Variants in SHROOM3 observed in about 807,000 individuals in gnomAD.
SHROOM3 encodes protein Shroom3.
SHROOM3 carries 47 observed loss-of-function variants against 138.6 expected under a neutral mutation model. The ratio of observed to expected loss-of-function variants is 0.34; its 90% confidence interval spans 0.27 to 0.43. The LOEUF is 0.43. Ranked by LOEUF, SHROOM3 falls within the 20% of genes least tolerant of loss-of-function variation. The pLI is 1.00. For missense variants in SHROOM3, 2,491 were observed against 2,596.5 expected, an observed-to-expected ratio of 0.96 and a Z score of 0.88; for synonymous variants, 1,062 against 1,063.3, an observed-to-expected ratio of 1.00 and a Z score of 0.02.
intron 2 of SHROOM3, among the ~76,000 whole-genome samples, chr4:76,582,873 T>G (rs1734078401): frequency 6.6e-6 from 1 of 152,144 alleles, no homozygotes; most frequent in Admixed American, 6.5e-5. Context: ...TCCCCTCCCT[T>G]CTGGTCCAGT....
chr4:76,689,405 G>A (rs1034463657), intron 2 of SHROOM3, among the ~76,000 whole-genome samples: 2 of 137,098 alleles, frequency 1.5e-5, no homozygotes, highest in Non-Finnish European at 1.6e-5. Flanking sequence ...TGCGGCGGGC[G>A]CGGGGTGGAC....
At chr4:76,477,477 C>A (rs1731511776) in intron 1 of SHROOM3, among the ~76,000 whole-genome samples, 1 of 152,116 alleles carries the variant, frequency 6.6e-6, no homozygotes, top group African/African-American at 2.4e-5. Context: ...CAAAGCCATT[C>A]ATAATGTTCA....
chr4:76,589,778 A>G (rs1734227202), intron 2 of SHROOM3, among the ~76,000 whole-genome samples: 1 of 151,958 alleles, frequency 6.6e-6, no homozygotes, highest in Admixed American at 6.6e-5. Context: ...CCTTATCTTT[A>G]CTCTCACAGC....
At chr4:76,678,225 T>C (rs1719095715) in intron 2 of SHROOM3, among the ~76,000 whole-genome samples, 2 of 152,208 alleles carry the variant, frequency 1.3e-5, no homozygotes, top group East Asian at 3.9e-4. Context: ...AAAATTTTTC[T>C]TTTCAAACAT....
At chr4:76,746,181 A>G (rs1162906558) in intron 5 of SHROOM3, among the ~76,000 whole-genome samples, 2 of 152,210 alleles carry the variant, frequency 1.3e-5, no homozygotes, top group Non-Finnish European at 2.9e-5. Flanking sequence ...CTGAATAAAA[A>G]GAGGCTGGGA....
chr4:76,526,097 G>T (rs530009112), intron 1 of SHROOM3, among the ~76,000 whole-genome samples: 1 of 152,216 alleles, frequency 6.6e-6, no homozygotes, highest in Non-Finnish European at 1.5e-5. Context: ...GCCAGGTGCG[G>T]TGGCTCATGC....
intron 10 of SHROOM3, 142 bp from the exon 11 acceptor site, chr4:76,778,667 A>C: frequency 9.2e-7 from 1 of 1,091,148 alleles, no homozygotes. Context: ...TGATTTTCAA[A>C]AAGTTAGCCT....
chr4:76,538,449 G>A (rs547115277), intron 1 of SHROOM3, among the ~76,000 whole-genome samples: 6 of 152,218 alleles, frequency 3.9e-5, no homozygotes, highest in African/African-American at 1.4e-4. Flanking sequence ...GAGGATATGG[G>A]TGTCACTAAG....
At chr4:76,616,780 A>C (rs1734891421) in intron 2 of SHROOM3, among the ~76,000 whole-genome samples, 1 of 152,206 alleles carries the variant, frequency 6.6e-6, no homozygotes, top group Non-Finnish European at 1.5e-5. Flanking sequence ...ATATGTTTGC[A>C]CTTAACACTA....
At chr4:76,696,533 G>A (rs978998703) in intron 2 of SHROOM3, among the ~76,000 whole-genome samples, 1 of 152,214 alleles carries the variant, frequency 6.6e-6, no homozygotes, top group Non-Finnish European at 1.5e-5. Flanking sequence ...CAGGGTTGCA[G>A]TGGGAGGGGA....
chr4:76,449,066 C>T (rs1730869478), intron 1 of SHROOM3, among the ~76,000 whole-genome samples: 1 of 152,184 alleles, frequency 6.6e-6, no homozygotes, highest in Admixed American at 6.5e-5. Flanking sequence ...CTTTTATCAT[C>T]ACTTCATTTC....
chr4:76,719,338 G>T (rs1720469723), intron 3 of SHROOM3, among the ~76,000 whole-genome samples: 1 of 152,156 alleles, frequency 6.6e-6, no homozygotes, highest in African/African-American at 2.4e-5. Context: ...TCTGATATCT[G>T]GAGAAATTGG....
intron 2 of SHROOM3, among the ~76,000 whole-genome samples, chr4:76,606,310 T>C (rs1239179094): frequency 6.7e-6 from 1 of 150,236 alleles, no homozygotes; most frequent in Non-Finnish European, 1.5e-5. Context: ...CCAAATACTA[T>C]ATATTTTAAA....
chr4:76,677,209 G>A (rs541494929), intron 2 of SHROOM3, among the ~76,000 whole-genome samples: 1 of 152,280 alleles, frequency 6.6e-6, no homozygotes, highest in African/African-American at 2.4e-5. Flanking sequence ...GTATTTGCCT[G>A]TACAGAATGA....
intron 1 of SHROOM3, among the ~76,000 whole-genome samples, chr4:76,505,784 C>T (rs1331878148): frequency 6.6e-6 from 1 of 151,364 alleles, no homozygotes; most frequent in Non-Finnish European, 1.5e-5. Context: ...CCTCAGCCTT[C>T]CAAAGAGACT....
rs1337412569 is a variant in SHROOM3 at position 76,782,799 on chromosome 4, A to G, written c.*3622A>G. On this transcript the variant is annotated 3_prime_UTR_variant, in exon 11 of 11. Transcript: ENST00000296043. ...ATGTGAAGGGGCTTTTCTACACAGG[A>G]ATATATTATCGGGAACAAAGTATTT... The G allele has an allele frequency of 1.3e-5, 2 of 152,212 alleles. No individual in the cohort carries two copies. Among genetic ancestry groups the G allele is most frequent in the African/African-American group, 4.8e-5 (2 of 41,462 alleles). 9.4% of individuals were successfully genotyped at this position (152,212 alleles called of 1,614,324 possible). A position where few individuals can be genotyped will look rare whatever the true frequency, so the allele number is the denominator to read the frequency against.
chr4:76,710,044 T>C, intron 2 of SHROOM3, 112 bp from the exon 3 acceptor site: 1 of 1,434,298 alleles, frequency 7.0e-7, no homozygotes, highest in Admixed American at 1.7e-5. Flanking sequence ...TGTGCTGCTT[T>C]GCTCTGGCTC....
intron 2 of SHROOM3, among the ~76,000 whole-genome samples, chr4:76,624,693 G>C (rs1735089874): frequency 1.3e-5 from 2 of 152,146 alleles, no homozygotes; most frequent in African/African-American, 4.8e-5. Context: ...ATTATAAAGA[G>C]GTGTCTGAAA....
intron 1 of SHROOM3, among the ~76,000 whole-genome samples, chr4:76,461,982 A>T (rs1185795353): frequency 6.6e-6 from 1 of 152,196 alleles, no homozygotes; most frequent in African/African-American, 2.4e-5. Context: ...GGGTGTGATA[A>T]TTGCTTTTAG....
Sources: gnomAD v4.1 joint callset for allele counts (sites outside exome capture counted in the v4.1 genomes callset) on GRCh38, gnomAD v4.1.1 for gene constraint, MANE v1.5 for transcripts, NCBI Gene and HGNC (gene_info 2026-07-23, HGNC 2026-07-21) for gene names.